Variants in CBY2 observed in about 807,000 individuals in gnomAD.
The protein encoded by CBY2 is chibby family member 2.
In CBY2, 23 loss-of-function variants were observed where a neutral mutation model predicts 25.3. The observed-to-expected ratio is 0.91, with a 90% CI of 0.65 to 1.29. CBY2 has a LOEUF of 1.29. Among genes scored for constraint, CBY2 ranks in the 50% most tolerant of loss-of-function variants. The pLI is 0.00. For missense variants in CBY2, 642 were observed against 590.7 expected (o/e 1.09, Z -0.90); for synonymous variants, 279 against 260.2 (o/e 1.07, Z -0.70).
In CBY2 at chr13:45,714,057, G is replaced by C; in HGVS notation, c.1032G>C (p.Lys344Asn). The C allele has an allele frequency of 1.3e-6, 2 of 1,507,140 alleles. No homozygotes were observed. The highest frequency in any genetic ancestry group is 1.8e-6 in the Non-Finnish European group (2 of 1,126,718). The allele number at this position is 1,507,140 out of a possible 1,614,324, so 93.4% of individuals were successfully genotyped here. The change falls in exon 3 of 3, where the codon AAG becomes AAC. Residue 344 changes from lysine to asparagine, a missense_variant. Transcript: ENST00000310521. ...GGCCCTCCGGGGAGGAGGAGGCCAAGGTGGGCCCGGGCCTGCCCGACGGCT... is the reference window on the plus strand; with the variant it reads ...GGCCCTCCGGGGAGGAGGAGGCCAACGTGGGCCCGGGCCTGCCCGACGGCT... ...MSGPSGEEEA[K>N]VGPGLPDGCQ...
rs1566071679 is a variant in CBY2, at chr13:45,713,609, TC to T, written c.586del (p.Leu196TyrfsTer34). 6.2e-7 allele frequency: 1 copy of T among 1,613,654 alleles called. No homozygotes were observed. Among genetic ancestry groups the T allele is most frequent in the African/African-American group, 1.3e-5 (1 of 74,906 alleles). ...CGGATGCTCAGCAAGGAGAACAAGA[TC>T]CTACAGGTCTTCTGGGAGGAGCACA... Reference protein sequence around the residue: ...ENRMLSKENKILQVFWEEHKA... With the variant: ...ENRMLSKENKXLQVFWEEHKA... On this transcript the variant is annotated frameshift_variant, in exon 3 of 3. Transcript: ENST00000310521. LOFTEE classifies it low-confidence loss of function (END_TRUNC). The surrounding 1 kb of genome is among the most constrained non-coding windows in gnomAD (Gnocchi z 5.0).
At chr13:45,712,569 A>G (rs1048902452) in intron 2 of CBY2, among the ~76,000 whole-genome samples, 8 of 152,202 alleles carry the variant, frequency 5.3e-5, no homozygotes, top group African/African-American at 1.9e-4. Flanking sequence ...TGTGAAGTTG[A>G]GTCCCCAGCC....
rs1950216444 is a variant in CBY2, at chr13:45,702,668, CAA to C, written c.76-106_76-105del. On this transcript the variant is annotated intron_variant, in intron 1 of 2. Transcript: ENST00000310521. ...GACTTTCATAATTGTACATAATTGA[CAA>C]GAGAGAAATAAATGAGTAGAAAGTT... is the stretch of plus-strand genomic sequence containing the variant. The C allele has an allele frequency of 5.1e-6, 5 of 983,376 alleles. No homozygotes were observed. The South Asian group carries it at 7.3e-5, about 14-fold the overall frequency. The allele number at this position is 983,376 out of a possible 1,614,324, so 60.9% of individuals were successfully genotyped here. A position where few individuals can be genotyped will look rare whatever the true frequency, so the allele number is the denominator to read the frequency against.
rs137881870 is a variant in CBY2, at chr13:45,704,731, G to A, written c.156+1876G>A. Among the ~76,000 whole-genome samples the A allele has an allele frequency of 2.3e-4, 35 of 152,292 alleles. No homozygotes were observed. Among genetic ancestry groups the A allele is most frequent in the Non-Finnish European group, 3.2e-4 (22 of 68,016 alleles). The stretch of plus-strand genomic sequence containing the variant: ...TAGAGATTTTACAGGTACAGGAACC[G>A]GCAACCCCAGGAACCCCACTAGTAA... On this transcript the variant is annotated intron_variant, in intron 2 of 2. Coordinates refer to ENST00000310521, the MANE Select transcript of CBY2 (RefSeq NM_152719.3). The surrounding 1 kb of genome is among the most constrained non-coding windows in gnomAD (Gnocchi z 4.1).
At chr13:45,709,901 G>A (rs976230966) in intron 2 of CBY2, among the ~76,000 whole-genome samples, 10 of 152,312 alleles carry the variant, frequency 6.6e-5, no homozygotes, top group African/African-American at 2.4e-4. Context: ...GAAGGTCAGG[G>A]AGCCAGAAGT....
In CBY2 at chr13:45,714,239, A is replaced by C; in HGVS notation, c.1214A>C (p.Lys405Thr). The C allele has an allele frequency of 1.2e-6, 2 of 1,613,128 alleles. No individual in the cohort carries two copies. The highest frequency in any genetic ancestry group is 1.7e-6 in the Non-Finnish European group (2 of 1,179,894). ...EENKALWENN[K>T]LKLQQKLVID... Reference sequence around the variant, plus strand: ...AACAAGGCCCTGTGGGAGAACAACAAGCTGAAGCTGCAGCAGAAGCTGGTC... The same window carrying C: ...AACAAGGCCCTGTGGGAGAACAACACGCTGAAGCTGCAGCAGAAGCTGGTC... The change falls in exon 3 of 3, where the codon AAG becomes ACG. Residue 405 changes from lysine (K) to threonine (T), a missense_variant. Lys to Thr is a moderately conservative substitution (Grantham distance 78, BLOSUM62 -1). Coordinates refer to ENST00000310521, the MANE Select transcript of CBY2 (RefSeq NM_152719.3).
intron 2 of CBY2, among the ~76,000 whole-genome samples, chr13:45,710,321 G>A (rs1377547116): frequency 6.6e-6 from 1 of 152,110 alleles, no homozygotes. Flanking sequence ...TCAAGAGATC[G>A]AGACCATCCT....
At position 45,714,224 on chromosome 13, in the gene CBY2, T is replaced by C. The variant is rs138589427; in HGVS notation, c.1199T>C (p.Leu400Pro). 3.0e-4 allele frequency: 483 copies of C among 1,612,952 alleles called. No individual in the cohort carries two copies. The highest frequency in any genetic ancestry group is 4.3e-4 in the Admixed American group (26 of 59,938). ...GGCTTCCAGGAGGAGAACAAGGCCC[T>C]GTGGGAGAACAACAAGCTGAAGCTG... is the stretch of plus-strand genomic sequence containing the variant. ...HRGFQEENKA[L>P]WENNKLKLQQ... Residue 400 changes from leucine (L) to proline (P), a missense_variant, in exon 3 of 3, where the codon CTG (leucine) becomes CCG (proline). Leu to Pro is a moderately conservative substitution (Grantham distance 98). Coordinates refer to ENST00000310521, the MANE Select transcript of CBY2 (RefSeq NM_152719.3).
Position 45,713,893 on chromosome 13 carries a change from G to A in CBY2, c.868G>A (p.Glu290Lys). 1.3e-6 allele frequency: 2 copies of A among 1,533,258 alleles called. No individual in the cohort carries two copies. Among genetic ancestry groups the A allele is most frequent in the Non-Finnish European group, 1.7e-6 (2 of 1,144,462 alleles). The allele number at this position is 1,533,258 out of a possible 1,614,324, so 95.0% of individuals were successfully genotyped here. ...ESKPAPSPHE[E>K]PCSPGLLQDQ... is the part of the protein sequence containing the mutation. Reference sequence around the variant, plus strand: ...CAAGCCCGCCCCCTCACCCCACGAGGAGCCCTGCAGCCCCGGGCTGCTGCA... The same window carrying A: ...CAAGCCCGCCCCCTCACCCCACGAGAAGCCCTGCAGCCCCGGGCTGCTGCA... The change falls in exon 3 of 3, where the codon GAG becomes AAG. Residue 290 changes from glutamate to lysine, a missense_variant. Physicochemically the swap from Glu to Lys is moderately conservative, Grantham distance 56. Coordinates refer to ENST00000310521, the MANE Select transcript of CBY2 (RefSeq NM_152719.3). This position sits in a 1 kb window ranked among gnomAD's most constrained non-coding sequence, Gnocchi z 5.0.
At position 45,714,290 on chromosome 13, in the gene CBY2, C is replaced by A. The variant is rs1301086588; in HGVS notation, c.1265C>A (p.Ala422Glu). Residue 422 changes from alanine to glutamate, a missense_variant, in exon 3 of 3, where the codon GCG (alanine) becomes GAG (glutamate). By Grantham distance (107) the Ala-to-Glu change is moderately radical. Coordinates refer to ENST00000310521, the MANE Select transcript of CBY2 (RefSeq NM_152719.3). ...ATTGACACCGTGACCGAGGTCACCGCGCGCATGGAAATGCTCATCGAGGAG... is the reference window on the plus strand; with the variant it reads ...ATTGACACCGTGACCGAGGTCACCGAGCGCATGGAAATGCTCATCGAGGAG... ...LVIDTVTEVT[A>E]RMEMLIEELY... The A allele has an allele frequency of 6.2e-7, 1 of 1,613,198 alleles. No homozygotes were observed.
chr13:45,713,244 G>A lies in CBY2; in HGVS notation c.219G>A (p.Gln73=), dbSNP rs756381920. The change falls in exon 3 of 3, where the codon CAG becomes CAA. Residue 73 remains glutamine, a synonymous_variant. Transcript: ENST00000310521. The surrounding 1 kb of genome is among the most constrained non-coding windows in gnomAD (Gnocchi z 5.0). ...TGTACAGCACCCCTCGCTGCGCGCA[G>A]CAGGCCGCCCTGCCCCGGCTGAGCC... The part of the protein sequence containing the change: ...HNLYSTPRCA[Q]QAALPRLSRR... 6.2e-7 allele frequency: 1 copy of A among 1,613,632 alleles called. No individual in the cohort carries two copies. The highest frequency in any genetic ancestry group is 1.1e-5 in the South Asian group (1 of 91,058).
chr13:45,708,140 A>G (rs9562611), intron 2 of CBY2, among the ~76,000 whole-genome samples: 35,548 of 152,168 alleles, frequency 0.23, 4,965 homozygotes, highest in South Asian at 0.32. Flanking sequence ...AACAGTGAAT[A>G]GCGCCTTTTA....
intron 2 of CBY2, among the ~76,000 whole-genome samples, chr13:45,705,943 A>G: frequency 6.6e-6 from 1 of 152,098 alleles, no homozygotes; most frequent in East Asian, 1.9e-4. Context: ...GGGCTGTGGT[A>G]GCCACATTTT....
At position 45,713,156 on chromosome 13, in the gene CBY2, C is replaced by T; in HGVS notation, c.157-26C>T. The T allele has an allele frequency of 6.4e-7, 1 of 1,561,436 alleles. No homozygotes were observed. The highest frequency in any genetic ancestry group is 8.7e-7 in the Non-Finnish European group (1 of 1,143,992). ...AAGTGTGTCAGTCCCATCGTTAACG[C>T]TGGGCTTTCCCATTCTCTCCCGCAG... On this transcript the variant is annotated intron_variant, in intron 2 of 2. Coordinates refer to ENST00000310521, the MANE Select transcript of CBY2 (RefSeq NM_152719.3). This position sits in a 1 kb window ranked among gnomAD's most constrained non-coding sequence, Gnocchi z 5.0.
At chr13:45,707,139 C>T (rs550579483) in intron 2 of CBY2, among the ~76,000 whole-genome samples, 2 of 152,232 alleles carry the variant, frequency 1.3e-5, no homozygotes, top group African/African-American at 4.8e-5. Flanking sequence ...AAAGGAAGGA[C>T]TTTTGAGCCC....
intron 1 of CBY2, 101 bp downstream of exon 1, chr13:45,702,566 T>C: frequency 3.8e-6 from 4 of 1,046,274 alleles, no homozygotes; most frequent in Non-Finnish European, 6.0e-6. Flanking sequence ...ACATCAACTA[T>C]AATATCTAGC....
In CBY2 at chr13:45,713,597, A is replaced by T; in HGVS notation, c.572A>T (p.Lys191Met). 2 of 1,613,996 alleles carry T rather than the reference A, an allele frequency of 1.2e-6. No individual in the cohort carries two copies. The highest frequency in any genetic ancestry group is 8.5e-7 in the Non-Finnish European group (1 of 1,179,980). The change falls in exon 3 of 3, where the codon AAG (lysine) becomes ATG (methionine). Residue 191 changes from lysine (K) to methionine (M), a missense_variant. Transcript: ENST00000310521. This position sits in a 1 kb window ranked among gnomAD's most constrained non-coding sequence, Gnocchi z 5.0. ...ALREENRMLSKENKILQVFWE... is the reference protein window; with the variant it reads ...ALREENRMLSMENKILQVFWE... ...CGCGAGGAGAACCGGATGCTCAGCA[A>T]GGAGAACAAGATCCTACAGGTCTTC...
At position 45,702,875 on chromosome 13, in the gene CBY2, G is replaced by A; in HGVS notation, c.156+20G>A. 2 of 1,577,690 alleles carry A rather than the reference G, an allele frequency of 1.3e-6. No homozygotes were observed. The highest frequency in any genetic ancestry group is 8.7e-7 in the Non-Finnish European group (1 of 1,147,088). On this transcript the variant is annotated intron_variant, in intron 2 of 2. Coordinates refer to ENST00000310521, the MANE Select transcript of CBY2 (RefSeq NM_152719.3). ...CCTCAGGTAGGGATAATCACAGAAG[G>A]ATGTAACCTATCAGTGTTAGCCAGA...
chr13:45,703,969 A>G (rs1037427498), intron 2 of CBY2, among the ~76,000 whole-genome samples: 2 of 152,052 alleles, frequency 1.3e-5, no homozygotes, highest in African/African-American at 4.8e-5. Context: ...GCCCATATAA[A>G]CCAATCTTTT....
Sources: gnomAD v4.1 joint callset for allele counts (sites outside exome capture counted in the v4.1 genomes callset) on GRCh38, gnomAD v4.1.1 for gene constraint, Gnocchi (gnomAD v3.1) non-coding constraint, MANE v1.5 for transcripts, NCBI Gene and HGNC (gene_info 2026-07-23, HGNC 2026-07-21) for gene names.